Variants in IFT74 observed in about 807,000 individuals in gnomAD.
IFT74 encodes intraflagellar transport protein 74 homolog.
IFT74 carries 92 observed loss-of-function variants against 96.7 expected under a neutral mutation model. The observed-to-expected ratio is 0.95, with a 90% CI of 0.80 to 1.13. IFT74 has a LOEUF of 1.13. Ranked by LOEUF, IFT74 falls within the 50% of genes most tolerant of loss-of-function variation. IFT74 has a pLI of 0.00. For synonymous variants in IFT74, 223 were observed against 213.2 expected, an observed-to-expected ratio of 1.05 and a Z score of -0.40; for missense variants, 811 against 698.2, an observed-to-expected ratio of 1.16 and a Z score of -1.82.
intron 12 of IFT74, among the ~76,000 whole-genome samples, chr9:27,022,455 C>A (rs931820670): frequency 3.3e-5 from 5 of 152,092 alleles, no homozygotes; most frequent in Admixed American, 2.6e-4. Flanking sequence ...TTCTAGCCAT[C>A]CATGAGCATG....
rs538941842 is a variant in IFT74, at chr9:27,038,324, G to A, written c.1055-6418G>A. Among the ~76,000 whole-genome samples, 10 of 152,168 alleles carry A rather than the reference G, an allele frequency of 6.6e-5. No individual in the cohort carries two copies. The East Asian group carries it at 1.4e-3, about 21-fold the overall frequency. ...GTCACCCAGGCTGGAGTGCAATGGC[G>A]CGATTTTAGCTCACTGCAACCTCTG... is the stretch of plus-strand genomic sequence containing the variant. On this transcript the variant is annotated intron_variant, in intron 13 of 19. Transcript: ENST00000380062.
chr9:27,014,609 T>A (rs1038011029), intron 10 of IFT74, among the ~76,000 whole-genome samples: 21 of 150,948 alleles, frequency 1.4e-4, no homozygotes, highest in East Asian at 1.2e-3. Flanking sequence ...TCTTTCTTTT[T>A]AAAAAAAAAA....
intron 8 of IFT74, chr9:26,995,848 T>C: frequency 6.3e-7 from 1 of 1,598,518 alleles, no homozygotes. Flanking sequence ...GAGGTTCATG[T>C]TCTTTAATGG....
chr9:26,983,971 A>G (rs1002285391), intron 4 of IFT74: 4 of 215,090 alleles, frequency 1.9e-5, no homozygotes, highest in African/African-American at 9.6e-5. Flanking sequence ...TTGAATAGAG[A>G]TGGGGTTTCA....
chr9:26,962,073 C>A lies in IFT74; in HGVS notation c.106C>A (p.Arg36=), dbSNP rs200556379. ...SGIRPLSGNI[R]VATAMPPGTA... ...GATACGACCCCTATCAGGAAATATT[C>A]GAGTGGCAACTGCAGTAAGTTTGAA... is the stretch of plus-strand genomic sequence containing the variant. Residue 36 remains arginine, a synonymous_variant, in exon 2 of 20, where the codon CGA becomes AGA. Transcript: ENST00000380062. 6.2e-6 allele frequency: 10 copies of A among 1,613,946 alleles called. No homozygotes were observed. Among genetic ancestry groups the A allele is most frequent in the African/African-American group, 1.3e-5 (1 of 74,910 alleles).
At chr9:26,975,409 C>G (rs974127220) in intron 2 of IFT74, among the ~76,000 whole-genome samples, 3 of 152,102 alleles carry the variant, frequency 2.0e-5, no homozygotes, top group Admixed American at 1.3e-4. Flanking sequence ...TCATTGGAAC[C>G]AAATTTTGGC....
chr9:26,973,822 T>G (rs1826981596), intron 2 of IFT74, among the ~76,000 whole-genome samples: 1 of 152,146 alleles, frequency 6.6e-6, no homozygotes, highest in Non-Finnish European at 1.5e-5. Context: ...AAAAAGGTGA[T>G]AAGTTCACAT....
intron 4 of IFT74, among the ~76,000 whole-genome samples, chr9:26,981,244 T>C (rs1827363309): frequency 6.6e-6 from 1 of 152,184 alleles, no homozygotes; most frequent in African/African-American, 2.4e-5. Flanking sequence ...AGCAAACTTA[T>C]TTTATTTTAT....
rs1820225305 is a variant in IFT74, at chr9:27,057,628, TG to T, written c.1623+1172del. ...ATCCCAGCACTTTGGGAGGCTGAGG[TG>T]GGCGGATCACGAGGTCAGGAGATCA... is the stretch of plus-strand genomic sequence containing the variant. On this transcript the variant is annotated intron_variant, in intron 18 of 19. Transcript: ENST00000380062. Among the ~76,000 whole-genome samples, 6 of 152,064 alleles carry T rather than the reference TG, an allele frequency of 3.9e-5. No individual in the cohort carries two copies. In the South Asian group the frequency reaches 1.2e-3, roughly 32 times the overall value.
At chr9:27,015,016 C>T (rs754104724) in intron 10 of IFT74, among the ~76,000 whole-genome samples, 18 of 152,118 alleles carry the variant, frequency 1.2e-4, no homozygotes, top group Non-Finnish European at 2.6e-4. Context: ...TGCTGTACAA[C>T]GTATTAGGTC....
At chr9:27,033,167 C>T (rs1287651569) in intron 13 of IFT74, among the ~76,000 whole-genome samples, 2 of 152,098 alleles carry the variant, frequency 1.3e-5, no homozygotes, top group African/African-American at 4.8e-5. Flanking sequence ...TTTCATTTAA[C>T]TGTATAATAT....
chr9:27,049,962 G>A (rs756478823), intron 16 of IFT74, among the ~76,000 whole-genome samples: 34 of 152,104 alleles, frequency 2.2e-4, no homozygotes, highest in Non-Finnish European at 3.8e-4. Context: ...AACTGATATA[G>A]CCAAGTTATT....
intron 1 of IFT74, chr9:26,947,272 T>G: frequency 3.7e-6 from 2 of 542,694 alleles, no homozygotes; most frequent in South Asian, 4.9e-5. Flanking sequence ...ATCATCGGCC[T>G]CAGCCCTCCA....
chr9:27,055,715 T>G lies in IFT74; in HGVS notation c.1440T>G (p.Asp480Glu), dbSNP rs767674035. The change falls in exon 17 of 20, where the codon GAT becomes GAG. Residue 480 changes from aspartate (D) to glutamate (E), a missense_variant. Coordinates refer to ENST00000380062, the MANE Select transcript of IFT74 (RefSeq NM_025103.4). ...LKSKIKQMTTDLEIYNDLPAL... is the reference protein window; with the variant it reads ...LKSKIKQMTTELEIYNDLPAL... ...GCAAAATTAAGCAAATGACAACTGA[T>G]CTGGAGATATATAATGATTTGCCAG... The G allele has an allele frequency of 1.9e-6, 3 of 1,588,770 alleles. No individual in the cohort carries two copies. The highest frequency in any genetic ancestry group is 2.6e-6 in the Non-Finnish European group (3 of 1,170,652).
At chr9:27,057,407 A>T (rs1203715714) in intron 18 of IFT74, among the ~76,000 whole-genome samples, 1 of 152,142 alleles carries the variant, frequency 6.6e-6, no homozygotes, top group Non-Finnish European at 1.5e-5. Context: ...GGCACATAGT[A>T]GGTACTCAGC....
chr9:27,044,829 TA>T (rs1819631339), intron 14 of IFT74, 34 bp downstream of exon 14: 1 of 1,237,784 alleles, frequency 8.1e-7, no homozygotes, highest in Non-Finnish European at 1.1e-6. Flanking sequence ...AAAAATATAA[TA>T]TTTTCAGATT....
chr9:27,050,572 A>G (rs1304612582), intron 16 of IFT74, among the ~76,000 whole-genome samples: 2 of 152,052 alleles, frequency 1.3e-5, no homozygotes, highest in East Asian at 1.9e-4. Context: ...TGAATTAGCT[A>G]TGTTTTTGTC....
chr9:27,020,840 T>G (rs970757797), intron 12 of IFT74, among the ~76,000 whole-genome samples: 1 of 152,030 alleles, frequency 6.6e-6, no homozygotes, highest in African/African-American at 2.4e-5. Context: ...ATTTCTTGAG[T>G]GGTGATTTCT....
rs151244859 is a variant in IFT74 at position 26,966,526 on chromosome 9, GA to G, written c.120+4440del. 5.0e-3 allele frequency among the ~76,000 whole-genome samples: 754 copies of G among 151,912 alleles called. 11 individuals carry two copies. Among genetic ancestry groups the G allele is most frequent in the African/African-American group, 0.018 (737 of 41,518 alleles). On this transcript the variant is annotated intron_variant, in intron 2 of 19. Transcript: ENST00000380062. ...TTGCCCGTTTTTTATTGTATTATTA[GA>G]TTTTTTTGCTAGTGAGTTGTTGGAG...
Sources: allele counts gnomAD v4.1 joint callset (sites outside exome capture counted in the v4.1 genomes callset), GRCh38; gene constraint gnomAD v4.1.1; transcripts MANE v1.5; gene names NCBI Gene and HGNC (gene_info 2026-07-23, HGNC 2026-07-21).